The following GRIK2 variants were observed in gnomAD, a reference collection of about 807,000 sequenced individuals.
GRIK2 encodes glutamate receptor ionotropic, kainate 2.
GRIK2 carries 32 observed loss-of-function variants against 100.3 expected under a neutral mutation model. That is an observed-to-expected ratio of 0.32 (90% CI 0.24 to 0.43). The LOEUF (loss-of-function observed/expected upper bound fraction) is 0.43, where lower values mean the gene tolerates loss of function less well. Among genes scored for constraint, GRIK2 ranks in the 20% least tolerant of loss-of-function variants. GRIK2 has a pLI of 1.00. For missense variants in GRIK2, 843 were observed against 1,114.9 expected, an observed-to-expected ratio of 0.76 and a Z score of 3.47; for synonymous variants, 417 against 389.4, an observed-to-expected ratio of 1.07 and a Z score of -0.83.
At chr6:101,496,194 G>T (rs542655660) in intron 2 of GRIK2, among the ~76,000 whole-genome samples, 1 of 152,194 alleles carries the variant, frequency 6.6e-6, no homozygotes, top group Admixed American at 6.5e-5. Flanking sequence ...TAATCCGCTT[G>T]TCTCAGCCTC....
At chr6:102,022,658 G>A (rs1298915057) in intron 14 of GRIK2, among the ~76,000 whole-genome samples, 1 of 151,498 alleles carries the variant, frequency 6.6e-6, no homozygotes, top group Non-Finnish European at 1.5e-5. Flanking sequence ...TAAGAAAGAT[G>A]TATTATTGAT....
At chr6:101,685,278 G>A (rs751046286) in intron 6 of GRIK2, among the ~76,000 whole-genome samples, 37 of 152,036 alleles carry the variant, frequency 2.4e-4, no homozygotes, top group Non-Finnish European at 1.9e-4. Flanking sequence ...TCATAGCACA[G>A]ACTAGAGCTC....
At chr6:101,938,126 GT>G (rs58659924) in intron 14 of GRIK2, among the ~76,000 whole-genome samples, 6,497 of 149,134 alleles carry the variant, frequency 0.044, 475 homozygotes, top group African/African-American at 0.15. Context: ...TACTAGTTAA[GT>G]TTTTTTTTTC....
At chr6:101,672,077 G>T (rs1489828709) in intron 4 of GRIK2, among the ~76,000 whole-genome samples, 1 of 152,146 alleles carries the variant, frequency 6.6e-6, no homozygotes, top group Admixed American at 6.5e-5. Flanking sequence ...ATTAGATATG[G>T]CTAGGATGGA....
intron 14 of GRIK2, among the ~76,000 whole-genome samples, chr6:102,002,431 AT>A (rs541921723): frequency 3.4e-5 from 5 of 148,724 alleles, no homozygotes; most frequent in African/African-American, 1.2e-4. Context: ...CATACACAGT[AT>A]ATACACATAT....
At chr6:101,966,403 G>A (rs886789968) in intron 14 of GRIK2, among the ~76,000 whole-genome samples, 1 of 152,070 alleles carries the variant, frequency 6.6e-6, no homozygotes. Flanking sequence ...TGAATGTTGC[G>A]ATGCCCAAGT....
chr6:102,010,502 G>T (rs1387110666), intron 14 of GRIK2, among the ~76,000 whole-genome samples: 1 of 151,998 alleles, frequency 6.6e-6, no homozygotes, highest in African/African-American at 2.4e-5. Context: ...TTCTGCCTCA[G>T]CCTCCCCAGT....
intron 2 of GRIK2, among the ~76,000 whole-genome samples, chr6:101,598,129 A>G (rs948301045): frequency 6.6e-6 from 1 of 151,742 alleles, no homozygotes; most frequent in Non-Finnish European, 1.5e-5. Context: ...TTTAAAAGTC[A>G]TTTGGATAAT....
At chr6:101,537,442 T>TTGTGTGTGTGCGTG (rs757947703) in intron 2 of GRIK2, among the ~76,000 whole-genome samples, 31 of 134,158 alleles carry the variant, frequency 2.3e-4, no homozygotes, top group African/African-American at 8.2e-4. Flanking sequence ...GTGTGTGTGT[T>TTGTGTGTGTGCGTG]TGTGTGTGTG....
At chr6:101,994,530 G>A (rs1040271598) in intron 14 of GRIK2, among the ~76,000 whole-genome samples, 4 of 151,650 alleles carry the variant, frequency 2.6e-5, no homozygotes, top group African/African-American at 9.7e-5. Context: ...ATTAAATTAT[G>A]TGATTTTTAA....
rs553222875 is a variant in GRIK2 at position 102,064,529 on chromosome 6, T to C, written c.2563-3818T>C. Among the ~76,000 whole-genome samples, 50 of 150,808 alleles carry C rather than the reference T, an allele frequency of 3.3e-4. 1 individual carries two copies. The highest frequency in any genetic ancestry group is 1.2e-3 in the African/African-American group (49 of 41,360). ...TTTTTAGTATAACCAGGAAAATTAC[T>C]GCCTAGTGCACTTGGGTTTTGAGAC... On this transcript the variant is annotated intron_variant, in intron 16 of 16. Coordinates refer to ENST00000369134, the MANE Select transcript of GRIK2 (RefSeq NM_021956.5).
chr6:101,817,226 G>C (rs570795542), intron 9 of GRIK2, among the ~76,000 whole-genome samples: 1 of 152,240 alleles, frequency 6.6e-6, no homozygotes, highest in South Asian at 2.1e-4. Flanking sequence ...TTAATGGTGA[G>C]AGGAAAATTA....
At chr6:101,478,356 T>C (rs1772354574) in intron 2 of GRIK2, among the ~76,000 whole-genome samples, 1 of 152,026 alleles carries the variant, frequency 6.6e-6, no homozygotes, top group Non-Finnish European at 1.5e-5. Context: ...TCCTTTGTTT[T>C]CTATGTTCTA....
At chr6:101,423,373 C>G (rs775080874) in intron 2 of GRIK2, among the ~76,000 whole-genome samples, 2 of 152,152 alleles carry the variant, frequency 1.3e-5, no homozygotes, top group African/African-American at 4.8e-5. Context: ...AGACTTCCCT[C>G]GTGTTTTCCA....
chr6:101,566,809 T>C (rs560090582), intron 2 of GRIK2, among the ~76,000 whole-genome samples: 1 of 149,580 alleles, frequency 6.7e-6, no homozygotes, highest in Non-Finnish European at 1.5e-5. Context: ...AAATGTCTAT[T>C]ATATATGATA....
chr6:101,682,663 T>G (rs535832810), intron 6 of GRIK2, 57 bp downstream of exon 6: 2 of 777,276 alleles, frequency 2.6e-6, no homozygotes, highest in East Asian at 2.5e-5. Context: ...CTTTTTCAGA[T>G]GAAAAATAGG....
intron 2 of GRIK2, among the ~76,000 whole-genome samples, chr6:101,530,386 T>C (rs1240116702): frequency 6.6e-6 from 1 of 152,002 alleles, no homozygotes; most frequent in East Asian, 1.9e-4. Flanking sequence ...TTAAAAGCCA[T>C]GTCAAAAAAC....
intron 7 of GRIK2, among the ~76,000 whole-genome samples, chr6:101,792,783 G>C (rs527605730): frequency 6.6e-6 from 1 of 152,112 alleles, no homozygotes; most frequent in African/African-American, 2.4e-5. Context: ...AGTTCTCCTG[G>C]ATAATATCCT....
At chr6:101,986,881 T>G (rs1794042386) in intron 14 of GRIK2, among the ~76,000 whole-genome samples, 1 of 151,922 alleles carries the variant, frequency 6.6e-6, no homozygotes, top group Non-Finnish European at 1.5e-5. Context: ...GGTTCATGTC[T>G]GTAATCCCAC....
Sources: allele counts gnomAD v4.1 joint callset (sites outside exome capture counted in the v4.1 genomes callset), GRCh38; gene constraint gnomAD v4.1.1; transcripts MANE v1.5; gene names NCBI Gene and HGNC (gene_info 2026-07-23, HGNC 2026-07-21).